Variants in UST observed in about 807,000 individuals in gnomAD.
UST encodes uronyl 2-sulfotransferase, also known as chondroitin sulfate 2-O-sulfotransferase.
In UST, 21 loss-of-function variants were observed where a neutral mutation model predicts 45.6. The observed-to-expected ratio is 0.46, with a 90% CI of 0.33 to 0.66. The LOEUF is 0.66. Among genes scored for constraint, UST ranks in the 30% least tolerant of loss-of-function variants. UST has a pLI of 0.02. For synonymous variants in UST, 215 were observed against 200.6 expected (o/e 1.07, Z -0.61); for missense variants, 463 against 512.4 (o/e 0.90, Z 0.93).
At chr6:148,927,909 G>C (rs1779846691) in intron 2 of UST, among the ~76,000 whole-genome samples, 1 of 152,204 alleles carries the variant, frequency 6.6e-6, no homozygotes, top group African/African-American at 2.4e-5. Context: ...GATGGAGTCT[G>C]TATCCTCAAA....
chr6:149,060,740 G>T (rs1039287870), intron 7 of UST, among the ~76,000 whole-genome samples: 1 of 152,184 alleles, frequency 6.6e-6, no homozygotes, highest in South Asian at 2.1e-4. Context: ...ATCCCCGTGT[G>T]CTGGGAATCT....
intron 1 of UST, among the ~76,000 whole-genome samples, chr6:148,760,722 A>G (rs1442554916): frequency 6.6e-6 from 1 of 152,070 alleles, no homozygotes; most frequent in Non-Finnish European, 1.5e-5. Context: ...AAAACAAAAC[A>G]AAACAAAACA....
chr6:148,949,632 T>C (rs1489951718), intron 3 of UST, among the ~76,000 whole-genome samples: 1 of 151,962 alleles, frequency 6.6e-6, no homozygotes, highest in African/African-American at 2.4e-5. Flanking sequence ...ATAGCCTGAG[T>C]GCTAGATAAT....
intron 1 of UST, among the ~76,000 whole-genome samples, chr6:148,862,400 T>G (rs1056916922): frequency 1.3e-5 from 2 of 152,250 alleles, no homozygotes; most frequent in Non-Finnish European, 2.9e-5. Context: ...TCTCTGCACA[T>G]GAGATGGGTC....
Position 148,748,445 on chromosome 6 carries a change from G to GTGTGTGTGTA in UST, c.247+776_247+777insTATGTGTGTG, listed in dbSNP as rs1195234226. Among the ~76,000 whole-genome samples the GTGTGTGTGTA allele has an allele frequency of 5.0e-5, 7 of 141,318 alleles. No homozygotes were observed. The highest frequency in any genetic ancestry group is 1.8e-4 in the African/African-American group (7 of 38,528). 92.7% of individuals were successfully genotyped at this position (141,318 alleles called of 152,430 possible). ...TGTGTGTGTGTGTGTGTGTGTGTGT[G>GTGTGTGTGTA]TGTGTGTGGTTTATTAGGAGAGAGG... On this transcript the variant is annotated intron_variant, in intron 1 of 7. Coordinates refer to ENST00000367463, the MANE Select transcript of UST (RefSeq NM_005715.3). The surrounding 1 kb of genome is among the most constrained non-coding windows in gnomAD (Gnocchi z 5.3).
At chr6:148,800,889 C>T (rs1247251336) in intron 1 of UST, among the ~76,000 whole-genome samples, 1 of 151,536 alleles carries the variant, frequency 6.6e-6, no homozygotes, top group East Asian at 1.9e-4. Context: ...ACTTGCTTGC[C>T]TCTGGCTGCA....
At chr6:148,844,125 T>C (rs2114776877) in intron 1 of UST, among the ~76,000 whole-genome samples, 1 of 152,384 alleles carries the variant, frequency 6.6e-6, no homozygotes, top group East Asian at 1.9e-4. Flanking sequence ...TCCTCATCTC[T>C]GTATGACTTA....
At chr6:148,819,420 C>T (rs964627687) in intron 1 of UST, among the ~76,000 whole-genome samples, 3 of 152,220 alleles carry the variant, frequency 2.0e-5, no homozygotes, top group African/African-American at 7.2e-5. Context: ...ATACTTCTTA[C>T]ATTTGCAAAA....
At chr6:148,797,729 C>A (rs1776979663) in intron 1 of UST, among the ~76,000 whole-genome samples, 1 of 152,082 alleles carries the variant, frequency 6.6e-6, no homozygotes, top group African/African-American at 2.4e-5. Context: ...TTTTGAAAGA[C>A]AACGAGGAGT....
chr6:148,858,645 C>A (rs572370835), intron 1 of UST, among the ~76,000 whole-genome samples: 42 of 152,288 alleles, frequency 2.8e-4, no homozygotes, highest in Non-Finnish European at 4.7e-4. Flanking sequence ...TATCCCTCCC[C>A]CCTTGCCCCA....
intron 7 of UST, among the ~76,000 whole-genome samples, chr6:149,050,981 A>C (rs1401518217): frequency 6.6e-6 from 1 of 152,218 alleles, no homozygotes; most frequent in Non-Finnish European, 1.5e-5. Flanking sequence ...ACTGCTGGGC[A>C]GGTGGTTATC....
intron 1 of UST, among the ~76,000 whole-genome samples, chr6:148,814,681 T>C (rs555424107): frequency 4.6e-5 from 7 of 152,302 alleles, no homozygotes; most frequent in African/African-American, 1.7e-4. Flanking sequence ...AAAAGCACGA[T>C]GATTATTTAC....
chr6:148,864,745 G>A (rs1202082164), intron 1 of UST, among the ~76,000 whole-genome samples: 1 of 152,198 alleles, frequency 6.6e-6, no homozygotes, highest in Non-Finnish European at 1.5e-5. Context: ...TTCAGAAAAT[G>A]TCATGATTAA....
intron 1 of UST, among the ~76,000 whole-genome samples, chr6:148,774,270 TTA>T (rs10568450): frequency 0.35 from 44,577 of 127,728 alleles, 6,770 homozygotes; most frequent in Non-Finnish European, 0.37. Flanking sequence ...CAAGGTTATT[TTA>T]TATATATATA....
rs1189762905 is a variant in UST, at chr6:149,021,420, G to A, written c.876G>A (p.Leu292=). 3 of 1,614,180 alleles carry A rather than the reference G, an allele frequency of 1.9e-6. No individual in the cohort carries two copies. The highest frequency in any genetic ancestry group is 2.5e-6 in the Non-Finnish European group (3 of 1,180,040). The part of the protein sequence containing the change: ...GILEELEDVL[L]LLERFLPHYF... The stretch of plus-strand genomic sequence containing the variant: ...TTGAAGAGTTGGAAGATGTGCTGCT[G>A]TTACTGGAAAGATTTTTACCTCATT... Residue 292 remains leucine (L), a synonymous_variant, in exon 7 of 8, where the codon CTG becomes CTA. Coordinates refer to ENST00000367463, the MANE Select transcript of UST (RefSeq NM_005715.3).
intron 5 of UST, among the ~76,000 whole-genome samples, chr6:149,003,353 T>C (rs1191963811): frequency 6.6e-6 from 1 of 152,178 alleles, no homozygotes; most frequent in Non-Finnish European, 1.5e-5. Context: ...ATTCAGTCCT[T>C]ATAATTTATG....
At chr6:148,762,882 A>G (rs1776247370) in intron 1 of UST, among the ~76,000 whole-genome samples, 1 of 152,014 alleles carries the variant, frequency 6.6e-6, no homozygotes, top group Non-Finnish European at 1.5e-5. Flanking sequence ...TATAGACCAC[A>G]TTTTCTTTAT....
chr6:149,032,742 C>G (rs760855537), intron 7 of UST, among the ~76,000 whole-genome samples: 5 of 152,186 alleles, frequency 3.3e-5, no homozygotes, highest in African/African-American at 7.2e-5. Flanking sequence ...CAGATGCCCC[C>G]CTCTGTGTCT....
Position 148,964,422 on chromosome 6 carries a change from C to A in UST, c.540C>A (p.Asp180Glu), listed in dbSNP as rs1208035787. 6.2e-7 allele frequency: 1 copy of A among 1,614,124 alleles called. No homozygotes were observed. The highest frequency in any genetic ancestry group is 8.5e-7 in the Non-Finnish European group (1 of 1,180,018). ...ATGTTTGTGTTAGGTTTGGAGGAGA[C>A]CAGCCTGTCTACATCAACATCATTA... ...HFLNFSRFGG[D>E]QPVYINIIRD... Residue 180 changes from aspartate (D) to glutamate (E), a missense_variant, in exon 5 of 8, where the codon GAC (aspartate) becomes GAA (glutamate). This residue lies in a region of UST where 287 missense variants were observed against 374.2 expected (regional missense o/e 0.77). Transcript: ENST00000367463.
Sources: allele counts gnomAD v4.1 joint callset (sites outside exome capture counted in the v4.1 genomes callset), GRCh38; gene constraint gnomAD v4.1.1; regional missense constraint gnomAD v4.1.1; non-coding constraint Gnocchi (gnomAD v3.1); transcripts MANE v1.5; gene names NCBI Gene and HGNC (gene_info 2026-07-23, HGNC 2026-07-21).